Variants in AUTS2 observed in about 807,000 individuals in gnomAD.
The protein encoded by AUTS2 is activator of transcription and developmental regulator AUTS2, also known as autism susceptibility gene 2 protein.
A neutral mutation model predicts 112.4 loss-of-function variants in AUTS2; 17 were observed. The observed-to-expected ratio is 0.15, with a 90% CI of 0.10 to 0.23. The LOEUF (loss-of-function observed/expected upper bound fraction) is 0.23, where lower values mean the gene tolerates loss of function less well. Among genes scored for constraint, AUTS2 ranks in the 10% least tolerant of loss-of-function variants. The probability of loss-of-function intolerance (pLI) is 1.00; values close to 1 mark genes in which losing one functional copy is unlikely to be tolerated. For synonymous variants in AUTS2, 751 were observed against 702.7 expected, an observed-to-expected ratio of 1.07 and a Z score of -1.09; for missense variants, 1,510 against 1,701.6, an observed-to-expected ratio of 0.89 and a Z score of 1.98.
intron 4 of AUTS2, among the ~76,000 whole-genome samples, chr7:70,366,698 G>T (rs1218896814): frequency 6.6e-6 from 1 of 152,046 alleles, no homozygotes; most frequent in African/African-American, 2.4e-5. Flanking sequence ...TTGAGAAGAA[G>T]GAATGTTCCA....
intron 2 of AUTS2, among the ~76,000 whole-genome samples, chr7:70,108,783 C>CAAAAAAAAAAAAAAAAAAAA (rs528009205): frequency 5.8e-5 from 4 of 69,178 alleles, no homozygotes; most frequent in Admixed American, 3.3e-4. Context: ...GCCAACATGG[C>CAAAAAAAAAAAAAAAAAAAA]AAAAAAAAAA....
At chr7:70,075,736 T>G (rs1802996060) in intron 2 of AUTS2, among the ~76,000 whole-genome samples, 1 of 152,190 alleles carries the variant, frequency 6.6e-6, no homozygotes, top group East Asian at 1.9e-4. Flanking sequence ...GTAGACCAAT[T>G]AGCTTGATGT....
intron 4 of AUTS2, among the ~76,000 whole-genome samples, chr7:70,420,193 C>G (rs977284592): frequency 6.6e-6 from 1 of 152,196 alleles, no homozygotes; most frequent in Middle Eastern, 3.2e-3. Context: ...TCTTCACATT[C>G]TACTCAAGCC....
At chr7:69,859,267 A>G (rs1425998800) in intron 1 of AUTS2, among the ~76,000 whole-genome samples, 11 of 152,228 alleles carry the variant, frequency 7.2e-5, no homozygotes, top group Non-Finnish European at 1.3e-4. Context: ...GTTTCAAAAG[A>G]AAAAGAAATA....
chr7:70,157,098 G>T (rs894072252), intron 4 of AUTS2, among the ~76,000 whole-genome samples: 3 of 151,210 alleles, frequency 2.0e-5, no homozygotes, highest in African/African-American at 7.3e-5. Flanking sequence ...AAAAGCAAGT[G>T]AAATTGACAT....
chr7:70,291,378 AG>A (rs1263065111), intron 4 of AUTS2: 1 of 152,210 alleles, frequency 6.6e-6, no homozygotes, highest in Non-Finnish European at 1.5e-5. Flanking sequence ...GTGAGAGGTG[AG>A]AAAACAACTT....
At position 70,367,297 on chromosome 7, in the gene AUTS2, C is replaced by T. The variant is rs144443646; in HGVS notation, c.661-68455C>T. 6.4e-3 allele frequency among the ~76,000 whole-genome samples: 968 copies of T among 151,676 alleles called. 11 individuals carry two copies. The highest frequency in any genetic ancestry group is 0.022 in the African/African-American group (910 of 41,318). ...AAAGGCCAGGCACGGTGGCTCATGC[C>T]TGTGATCCCAGCACTTTGGAAGGCC... is the stretch of plus-strand genomic sequence containing the variant. On this transcript the variant is annotated intron_variant, in intron 4 of 18. Transcript: ENST00000342771.
chr7:70,085,854 A>T (rs1341371624), intron 2 of AUTS2, among the ~76,000 whole-genome samples: 1 of 152,210 alleles, frequency 6.6e-6, no homozygotes, highest in Admixed American at 6.5e-5. Flanking sequence ...ATGGGCCAAG[A>T]AAAGCTCACA....
chr7:69,904,589 A>G (rs1172809445), intron 2 of AUTS2, among the ~76,000 whole-genome samples: 1 of 152,184 alleles, frequency 6.6e-6, no homozygotes, highest in African/African-American at 2.4e-5. Flanking sequence ...TATAATATTT[A>G]GATGTCTGCT....
At chr7:69,688,631 G>A (rs142905720) in intron 1 of AUTS2, among the ~76,000 whole-genome samples, 3 of 152,172 alleles carry the variant, frequency 2.0e-5, no homozygotes, top group East Asian at 3.9e-4. Context: ...TTTGTTGGGT[G>A]CATTTAGTAT....
At chr7:69,652,516 G>T (rs1249184970) in intron 1 of AUTS2, among the ~76,000 whole-genome samples, 4 of 151,402 alleles carry the variant, frequency 2.6e-5, no homozygotes, top group Non-Finnish European at 5.9e-5. Context: ...GGAGCTGGAA[G>T]CATTCTTAGC....
intron 2 of AUTS2, among the ~76,000 whole-genome samples, chr7:69,973,716 A>G (rs1157588849): frequency 6.6e-6 from 1 of 152,158 alleles, no homozygotes; most frequent in Non-Finnish European, 1.5e-5. Context: ...TTTATAGCCT[A>G]TTAATACGGT....
intron 5 of AUTS2, among the ~76,000 whole-genome samples, chr7:70,479,125 G>A (rs552183921): frequency 6.6e-6 from 1 of 152,082 alleles, no homozygotes; most frequent in African/African-American, 2.4e-5. Context: ...CATTTTTATG[G>A]TGTATCAGTG....
intron 5 of AUTS2, among the ~76,000 whole-genome samples, chr7:70,498,809 A>T (rs1585221456): frequency 6.6e-6 from 1 of 152,228 alleles, no homozygotes; most frequent in East Asian, 1.9e-4. Flanking sequence ...TGTGTGCCAG[A>T]TAGAAGGGGA....
intron 2 of AUTS2, among the ~76,000 whole-genome samples, chr7:69,965,078 G>T (rs754809361): frequency 1.3e-5 from 2 of 151,960 alleles, no homozygotes; most frequent in Non-Finnish European, 2.9e-5. Flanking sequence ...ATCTCTATCT[G>T]TACTGTTATT....
chr7:70,658,756 T>C (rs1806912896), intron 5 of AUTS2, among the ~76,000 whole-genome samples: 1 of 152,200 alleles, frequency 6.6e-6, no homozygotes, highest in Non-Finnish European at 1.5e-5. Flanking sequence ...AGGAAATTCA[T>C]GGTAAGCCTG....
intron 3 of AUTS2, among the ~76,000 whole-genome samples, chr7:70,132,337 C>T (rs900565457): frequency 2.0e-4 from 30 of 151,914 alleles, no homozygotes; most frequent in African/African-American, 6.0e-4. Context: ...TGTGTGTGCC[C>T]GTGTCTAGGG....
intron 5 of AUTS2, among the ~76,000 whole-genome samples, chr7:70,681,453 C>T (rs1808202840): frequency 1.3e-5 from 2 of 152,110 alleles, no homozygotes; most frequent in South Asian, 4.2e-4. Context: ...TCCCTCGCTA[C>T]TGGGGGTGAG....
At chr7:70,265,838 T>A (rs1787396318) in intron 4 of AUTS2, among the ~76,000 whole-genome samples, 1 of 152,226 alleles carries the variant, frequency 6.6e-6, no homozygotes, top group South Asian at 2.1e-4. Flanking sequence ...AAAACTGCCA[T>A]CAAGGGCAAT....
Sources: allele counts gnomAD v4.1 joint callset (sites outside exome capture counted in the v4.1 genomes callset), GRCh38; gene constraint gnomAD v4.1.1; transcripts MANE v1.5; gene names NCBI Gene and HGNC (gene_info 2026-07-23, HGNC 2026-07-21).